STX8: variants seen among roughly 807,000 people sequenced by gnomAD.
The protein encoded by STX8 is syntaxin-8.
A neutral mutation model predicts 37.5 loss-of-function variants in STX8; 23 were observed. That is an observed-to-expected ratio of 0.61 (90% confidence interval 0.44 to 0.87). The LOEUF is 0.87. Ranked by LOEUF, STX8 falls within the 40% of genes least tolerant of loss-of-function variation. STX8 has a pLI of 0.00. For missense variants in STX8, 313 were observed against 284.7 expected (o/e 1.10, Z -0.71); for synonymous variants, 115 against 99.1 (o/e 1.16, Z -0.95).
At chr17:9,274,146 G>GC (rs1451942244) in intron 7 of STX8, among the ~76,000 whole-genome samples, 1 of 152,052 alleles carries the variant, frequency 6.6e-6, no homozygotes, top group Non-Finnish European at 1.5e-5. Flanking sequence ...CTCTGGCTTT[G>GC]CCATCCCTCC....
intron 2 of STX8, among the ~76,000 whole-genome samples, chr17:9,563,797 A>C (rs1046265230): frequency 1.6e-4 from 24 of 152,328 alleles, no homozygotes; most frequent in Admixed American, 1.6e-3. Context: ...ACAAAGGATA[A>C]CATAAGACAG....
intron 6 of STX8, among the ~76,000 whole-genome samples, chr17:9,383,105 C>G (rs1230551617): frequency 6.6e-6 from 1 of 152,134 alleles, no homozygotes; most frequent in Non-Finnish European, 1.5e-5. Flanking sequence ...GTCTATGAAC[C>G]AGGAAACAGA....
At position 9,378,601 on chromosome 17, in the gene STX8, G is replaced by A. The variant is rs774051189; in HGVS notation, c.594C>T (p.Arg198=). Residue 198 remains arginine (R), a synonymous_variant, in exon 7 of 8, where the codon CGC becomes CGT. Coordinates refer to ENST00000306357, the MANE Select transcript of STX8 (RefSeq NM_004853.3). ...CCATGTTTACCCGCCTGGTTTCATT[G>A]CGAAGTTTTTCATCTGTGTTCTCCA... ...NLVENTDEKL[R]NETRRVNMVD... The A allele has an allele frequency of 2.5e-6, 4 of 1,613,742 alleles. No homozygotes were observed. The Admixed American group carries it at 6.7e-5, about 27-fold the overall frequency.
chr17:9,393,853 A>G (rs951376952), intron 6 of STX8, among the ~76,000 whole-genome samples: 3 of 152,212 alleles, frequency 2.0e-5, no homozygotes, highest in Non-Finnish European at 4.4e-5. Context: ...TCGGTTTACA[A>G]AAGAAACACA....
At chr17:9,250,785 G>A (rs1251455415) in intron 7 of STX8, 140 bp from the exon 8 acceptor site, 10 of 872,116 alleles carry the variant, frequency 1.1e-5, no homozygotes, top group East Asian at 2.9e-5. Context: ...GAGGTGGTCG[G>A]TGGCCTGGGG....
intron 7 of STX8, among the ~76,000 whole-genome samples, chr17:9,322,069 T>C (rs1909595116): frequency 6.6e-6 from 1 of 152,194 alleles, no homozygotes; most frequent in Non-Finnish European, 1.5e-5. Flanking sequence ...CAAGTACTAT[T>C]GGATTCACTT....
At chr17:9,427,872 C>G (rs968396197) in intron 6 of STX8, among the ~76,000 whole-genome samples, 1 of 152,182 alleles carries the variant, frequency 6.6e-6, no homozygotes, top group African/African-American at 2.4e-5. Context: ...CTGTGAGGTT[C>G]TTTCCTTTCT....
intron 6 of STX8, among the ~76,000 whole-genome samples, chr17:9,468,090 T>C (rs1290821864): frequency 3.9e-5 from 6 of 152,092 alleles, no homozygotes; most frequent in South Asian, 4.1e-4. Context: ...AGAAACAATA[T>C]AGCGAGGTTT....
At chr17:9,557,233 A>T in intron 3 of STX8, 1 of 516,868 alleles carries the variant, frequency 1.9e-6, no homozygotes, top group Non-Finnish European at 3.5e-6. Flanking sequence ...TTCCCTCGGT[A>T]GGTCTTGCTT....
intron 7 of STX8, 77 bp downstream of exon 7, chr17:9,378,475 A>T: frequency 7.6e-7 from 1 of 1,311,146 alleles, no homozygotes; most frequent in South Asian, 1.2e-5. Flanking sequence ...CACAGTAATT[A>T]GACAAACAGG....
At chr17:9,534,782 G>A (rs1344530441) in intron 4 of STX8, among the ~76,000 whole-genome samples, 1 of 151,144 alleles carries the variant, frequency 6.6e-6, no homozygotes. Context: ...GTGAGATTCT[G>A]TCTCAAAAAA....
Position 9,372,546 on chromosome 17 carries a change from C to T in STX8, c.643+6006G>A, listed in dbSNP as rs574313762. On this transcript the variant is annotated intron_variant, in intron 7 of 7. Coordinates refer to ENST00000306357, the MANE Select transcript of STX8 (RefSeq NM_004853.3). ...AGGCTGGAGTGCAGTGGCATGATCTCGGCTAACTGCAATCTCTGCCTCCCG... is the reference window on the plus strand; with the variant it reads ...AGGCTGGAGTGCAGTGGCATGATCTTGGCTAACTGCAATCTCTGCCTCCCG... Among the ~76,000 whole-genome samples, 153 of 152,050 alleles carry T rather than the reference C, an allele frequency of 1.0e-3. 1 individual carries two copies. Among genetic ancestry groups the T allele is most frequent in the Middle Eastern group, 3.4e-3 (1 of 294 alleles).
At chr17:9,312,283 C>T (rs1341757063) in intron 7 of STX8, among the ~76,000 whole-genome samples, 1 of 151,886 alleles carries the variant, frequency 6.6e-6, no homozygotes, top group African/African-American at 2.4e-5. Context: ...CTCACCGCAA[C>T]CTCCACCTCC....
chr17:9,507,333 G>T lies in STX8; in HGVS notation c.324-2171C>A, dbSNP rs746607790. ...ATCTCAGGCCTGAAAAACAGCCCAT[G>T]GGTCACCCCTAGCGGCAACTCCCCT... On this transcript the variant is annotated intron_variant, in intron 4 of 7. Coordinates refer to ENST00000306357, the MANE Select transcript of STX8 (RefSeq NM_004853.3). The surrounding 1 kb of genome is among the most constrained non-coding windows in gnomAD (Gnocchi z 4.0). Among the ~76,000 whole-genome samples, 2 of 151,898 alleles carry T rather than the reference G, an allele frequency of 1.3e-5. No individual in the cohort carries two copies. The highest frequency in any genetic ancestry group is 2.9e-5 in the Non-Finnish European group (2 of 67,982).
At chr17:9,343,428 G>C (rs994823620) in intron 7 of STX8, among the ~76,000 whole-genome samples, 5 of 35,656 alleles carry the variant, frequency 1.4e-4, no homozygotes, top group Admixed American at 3.8e-4. Context: ...CATTGTAACT[G>C]TTTTCTCTCT....
intron 7 of STX8, among the ~76,000 whole-genome samples, chr17:9,370,811 C>T (rs1190444865): frequency 6.6e-6 from 1 of 151,352 alleles, no homozygotes; most frequent in Admixed American, 6.6e-5. Context: ...ATTTAAACTG[C>T]AATTACAAAG....
intron 6 of STX8, among the ~76,000 whole-genome samples, chr17:9,484,787 A>C (rs529367103): frequency 6.6e-6 from 1 of 152,284 alleles, no homozygotes; most frequent in Admixed American, 6.5e-5. Flanking sequence ...AGATCGTGCC[A>C]TTACACTCCA....
intron 7 of STX8, among the ~76,000 whole-genome samples, chr17:9,341,479 C>A (rs1009785170): frequency 6.6e-6 from 1 of 152,146 alleles, no homozygotes; most frequent in Non-Finnish European, 1.5e-5. Flanking sequence ...GCTCTGTTGC[C>A]AGGCTAGAGT....
rs915791656 is a variant in STX8 at position 9,454,899 on chromosome 17, T to C, written c.541+36930A>G. Among the ~76,000 whole-genome samples, 12 of 152,062 alleles carry C rather than the reference T, an allele frequency of 7.9e-5. No individual in the cohort carries two copies. The East Asian group carries it at 2.3e-3, about 30-fold the overall frequency. ...TCTTACACTCAGGAATATATTCAGG[T>C]ACAATGTTTTTACAACAGTAGATTA... On this transcript the variant is annotated intron_variant, in intron 6 of 7. Transcript: ENST00000306357.
Sources: allele counts gnomAD v4.1 joint callset (sites outside exome capture counted in the v4.1 genomes callset), GRCh38; gene constraint gnomAD v4.1.1; non-coding constraint Gnocchi (gnomAD v3.1); transcripts MANE v1.5; gene names NCBI Gene and HGNC (gene_info 2026-07-23, HGNC 2026-07-21).